The following PDE7B variants were observed in gnomAD, a reference collection of about 807,000 sequenced individuals.
PDE7B encodes the protein phosphodiesterase 7B.
Under a neutral mutation model 56.2 loss-of-function variants are expected in PDE7B, and 29 were observed. The ratio of observed to expected loss-of-function variants is 0.52; its 90% confidence interval spans 0.38 to 0.70. The LOEUF (loss-of-function observed/expected upper bound fraction) is 0.70, where lower values mean the gene tolerates loss of function less well. Ranked by LOEUF, PDE7B falls within the 30% of genes least tolerant of loss-of-function variation. PDE7B has a pLI of 0.00. For synonymous variants in PDE7B, 197 were observed against 196.9 expected, an observed-to-expected ratio of 1.00 and a Z score of 0.00; for missense variants, 490 against 565.0, an observed-to-expected ratio of 0.87 and a Z score of 1.35.
chr6:135,914,416 T>A (rs1352960117), intron 1 of PDE7B, among the ~76,000 whole-genome samples: 1 of 150,904 alleles, frequency 6.6e-6, no homozygotes, highest in Non-Finnish European at 1.5e-5. Context: ...CCTATAGATC[T>A]GCCTTCCCAA....
chr6:136,142,968 T>C lies in PDE7B; in HGVS notation c.167-4383T>C, dbSNP rs567417971. Reference sequence around the variant, plus strand: ...TATTTACATTTAAGGTTAATATTGTTATGTGTGAATTTGATCCTGTCATTA... The same window carrying C: ...TATTTACATTTAAGGTTAATATTGTCATGTGTGAATTTGATCCTGTCATTA... On this transcript the variant is annotated intron_variant, in intron 3 of 12. Coordinates refer to ENST00000308191, the MANE Select transcript of PDE7B (RefSeq NM_018945.4). Among the ~76,000 whole-genome samples the C allele has an allele frequency of 2.4e-4, 37 of 152,278 alleles. No individual in the cohort carries two copies. The East Asian group carries it at 5.6e-3, about 23-fold the overall frequency.
chr6:136,019,152 T>A (rs1277959619), intron 2 of PDE7B, among the ~76,000 whole-genome samples: 1 of 152,074 alleles, frequency 6.6e-6, no homozygotes, highest in Non-Finnish European at 1.5e-5. Flanking sequence ...AAATTGATCT[T>A]CCTCTGAGAT....
In PDE7B at chr6:136,179,079, G is replaced by A; in HGVS notation, c.886G>A (p.Ala296Thr). ...GAATGAATTTTTGACCAGATTGAAAGCTCACCTCCACAATAAAGACTTAAG... is the reference window on the plus strand; with the variant it reads ...GAATGAATTTTTGACCAGATTGAAAACTCACCTCCACAATAAAGACTTAAG... ...RQNEFLTRLKAHLHNKDLRLE... is the reference protein window; with the variant it reads ...RQNEFLTRLKTHLHNKDLRLE... The change falls in exon 10 of 13, where the codon GCT becomes ACT. Residue 296 changes from alanine to threonine, a missense_variant. Coordinates refer to ENST00000308191, the MANE Select transcript of PDE7B (RefSeq NM_018945.4). The A allele has an allele frequency of 6.2e-7, 1 of 1,614,052 alleles. No individual in the cohort carries two copies. The highest frequency in any genetic ancestry group is 8.5e-7 in the Non-Finnish European group (1 of 1,179,912).
chr6:136,062,623 CA>C (rs2128212802), intron 2 of PDE7B, among the ~76,000 whole-genome samples: 1 of 152,278 alleles, frequency 6.6e-6, no homozygotes, highest in East Asian at 1.9e-4. Flanking sequence ...ATGTCAGGAT[CA>C]CTGAGGTACC....
intron 2 of PDE7B, among the ~76,000 whole-genome samples, chr6:136,009,150 T>C (rs1157886693): frequency 2.6e-5 from 4 of 152,120 alleles, no homozygotes; most frequent in Non-Finnish European, 5.9e-5. Flanking sequence ...GTTGTAGATA[T>C]GTGGCATTAT....
intron 1 of PDE7B, among the ~76,000 whole-genome samples, chr6:135,945,200 G>A (rs762602872): frequency 1.3e-4 from 20 of 152,160 alleles, no homozygotes; most frequent in Non-Finnish European, 2.4e-4. Flanking sequence ...TCCATGGGTC[G>A]TTAATCCTCA....
chr6:135,907,948 G>A (rs1430001732), intron 1 of PDE7B, among the ~76,000 whole-genome samples: 1 of 152,174 alleles, frequency 6.6e-6, no homozygotes, highest in Admixed American at 6.5e-5. Context: ...CATTTGGGAA[G>A]ATGCTGTAAC....
rs143269334 is a variant in PDE7B at position 136,008,555 on chromosome 6, G to T, written c.82+61031G>T. Among the ~76,000 whole-genome samples, 257 of 152,272 alleles carry T rather than the reference G, an allele frequency of 1.7e-3. 2 individuals carry two copies. In the East Asian group the frequency reaches 0.028, roughly 17 times the overall value. On this transcript the variant is annotated intron_variant, in intron 2 of 12. Transcript: ENST00000308191. ...CTAGTGTGAGATGGTATCTCATTGT[G>T]GTTTTGATTTCCATTTCTCTGATGG...
At chr6:135,870,517 TGTGAAATG>T (rs1775357439) in intron 1 of PDE7B, among the ~76,000 whole-genome samples, 1 of 150,994 alleles carries the variant, frequency 6.6e-6, no homozygotes, top group Non-Finnish European at 1.5e-5. Context: ...GATATGTACT[TGTGAAATG>T]TACATTTCAC....
intron 2 of PDE7B, among the ~76,000 whole-genome samples, chr6:135,989,010 A>C (rs936221326): frequency 4.6e-5 from 7 of 152,210 alleles, no homozygotes; most frequent in Admixed American, 6.5e-5. Context: ...CAGTTTCTAC[A>C]CTATAGTCCA....
In PDE7B at chr6:136,031,097, C is replaced by A. The variant is rs190112244; in HGVS notation, c.83-77634C>A. Among the ~76,000 whole-genome samples the A allele has an allele frequency of 1.6e-4, 25 of 152,344 alleles. No individual in the cohort carries two copies. The East Asian group carries it at 3.1e-3, about 19-fold the overall frequency. On this transcript the variant is annotated intron_variant, in intron 2 of 12. Coordinates refer to ENST00000308191, the MANE Select transcript of PDE7B (RefSeq NM_018945.4). Reference sequence around the variant, plus strand: ...CTTTCCATTGAGAGTATTTGGCCTGCGCCAGCATGATTGTTTTTAGAAGTC... The same window carrying A: ...CTTTCCATTGAGAGTATTTGGCCTGAGCCAGCATGATTGTTTTTAGAAGTC...
chr6:136,122,330 G>C (rs1270428583), intron 3 of PDE7B, among the ~76,000 whole-genome samples: 2 of 152,080 alleles, frequency 1.3e-5, no homozygotes, highest in Admixed American at 6.5e-5. Context: ...ATTTCACTTA[G>C]GGCTTGTGAG....
rs557379108 is a variant in PDE7B, at chr6:136,177,957, C to A, written c.804-1040C>A. On this transcript the variant is annotated intron_variant, in intron 9 of 12. Coordinates refer to ENST00000308191, the MANE Select transcript of PDE7B (RefSeq NM_018945.4). ...GGCATACACTGTAACAAAAAAGGAT[C>A]AACTATAGCCTACACATCATGAAGG... Among the ~76,000 whole-genome samples, 20 of 152,068 alleles carry A rather than the reference C, an allele frequency of 1.3e-4. No homozygotes were observed. In the South Asian group the frequency reaches 4.1e-3, roughly 32 times the overall value.
chr6:136,001,797 C>G (rs1262592251), intron 2 of PDE7B, among the ~76,000 whole-genome samples: 1 of 152,118 alleles, frequency 6.6e-6, no homozygotes, highest in Non-Finnish European at 1.5e-5. Context: ...TCCAGGAGAA[C>G]TTCCCCAATC....
intron 3 of PDE7B, among the ~76,000 whole-genome samples, chr6:136,109,811 G>C (rs899968938): frequency 6.6e-6 from 1 of 152,170 alleles, no homozygotes; most frequent in Non-Finnish European, 1.5e-5. Context: ...TAGACTTGTG[G>C]GGGAGGTGGA....
intron 1 of PDE7B, among the ~76,000 whole-genome samples, chr6:135,899,353 AT>A (rs1775959042): frequency 6.6e-6 from 1 of 151,622 alleles, no homozygotes; most frequent in Admixed American, 6.6e-5. Context: ...ATCTGTGTGT[AT>A]TTATGTATAC....
chr6:135,856,782 A>G (rs1268756341), intron 1 of PDE7B, among the ~76,000 whole-genome samples: 1 of 152,232 alleles, frequency 6.6e-6, no homozygotes, highest in Non-Finnish European at 1.5e-5. Flanking sequence ...ATTAAGCAAT[A>G]TATAATTCTT....
At chr6:135,901,127 G>A (rs911775152) in intron 1 of PDE7B, among the ~76,000 whole-genome samples, 4 of 152,178 alleles carry the variant, frequency 2.6e-5, no homozygotes, top group African/African-American at 7.2e-5. Flanking sequence ...TGGCCACAGA[G>A]GGGATGACCT....
In PDE7B at chr6:136,051,324, T is replaced by C. The variant is rs11756085; in HGVS notation, c.83-57407T>C. On this transcript the variant is annotated intron_variant, in intron 2 of 12. Coordinates refer to ENST00000308191, the MANE Select transcript of PDE7B (RefSeq NM_018945.4). The stretch of plus-strand genomic sequence containing the variant: ...AGAAAAGCTGTAATCATAAGATTTC[T>C]AGCCTAATTCTTTTGACGTCAGCAG... Among the ~76,000 whole-genome samples the C allele has an allele frequency of 9.9e-3, 1,505 of 152,332 alleles. 10 individuals carry two copies. The highest frequency in any genetic ancestry group is 0.015 in the Non-Finnish European group (1,024 of 68,022).
Sources: gnomAD v4.1 joint callset for allele counts (sites outside exome capture counted in the v4.1 genomes callset) on GRCh38, gnomAD v4.1.1 for gene constraint, MANE v1.5 for transcripts, NCBI Gene and HGNC (gene_info 2026-07-23, HGNC 2026-07-21) for gene names.